Variants in TBL2 observed in about 807,000 individuals in gnomAD.
TBL2 encodes the protein transducin beta like 2.
In TBL2, 33 loss-of-function variants were observed where a neutral mutation model predicts 41.8. The ratio of observed to expected loss-of-function variants is 0.79; its 90% confidence interval spans 0.60 to 1.06. TBL2 has a LOEUF of 1.06. Ranked by LOEUF, TBL2 falls within the 50% of genes least tolerant of loss-of-function variation. The probability of loss-of-function intolerance (pLI) is 0.00; values close to 1 mark genes in which losing one functional copy is unlikely to be tolerated. For synonymous variants in TBL2, 239 were observed against 241.7 expected, an observed-to-expected ratio of 0.99 and a Z score of 0.10; for missense variants, 522 against 603.8, an observed-to-expected ratio of 0.86 and a Z score of 1.42.
At chr7:73,575,601 TTTG>T (rs1413392978) in intron 1 of TBL2, among the ~76,000 whole-genome samples, 1 of 152,108 alleles carries the variant, frequency 6.6e-6, no homozygotes, top group Non-Finnish European at 1.5e-5. Context: ...CCCCAATTTT[TTTG>T]TTTTTTTAGT....
chr7:73,572,695 G>T, intron 5 of TBL2, 149 bp downstream of exon 5: 1 of 1,034,474 alleles, frequency 9.7e-7, no homozygotes, highest in Non-Finnish European at 1.4e-6. Context: ...TCCCACTACT[G>T]CAAGTGGGGA....
chr7:73,574,738 G>A, intron 1 of TBL2: 1 of 617,060 alleles, frequency 1.6e-6, no homozygotes, highest in Non-Finnish European at 2.9e-6. Context: ...GAGCCCAGGA[G>A]TTCGAGGCTG....
intron 1 of TBL2, among the ~76,000 whole-genome samples, chr7:73,577,655 T>A (rs978338174): frequency 6.6e-6 from 1 of 152,222 alleles, no homozygotes; most frequent in African/African-American, 2.4e-5. Flanking sequence ...CTATGAAACT[T>A]TTCAGAGACA....
chr7:73,573,150 G>GT, intron 4 of TBL2, 170 bp downstream of exon 4: 2 of 1,349,204 alleles, frequency 1.5e-6, no homozygotes, highest in Non-Finnish European at 2.0e-6. Flanking sequence ...TAGGGACCTG[G>GT]TGTGGCCCAG....
chr7:73,574,048 G>A lies in TBL2; in HGVS notation c.336C>T (p.Arg112=). The A allele has an allele frequency of 1.2e-6, 2 of 1,614,198 alleles. No individual in the cohort carries two copies. The highest frequency in any genetic ancestry group is 1.7e-6 in the Non-Finnish European group (2 of 1,180,022). ...GKYLATCADD[R]TIRIWSTKDF... ...CCTTGGTGCTCCAGATGCGGATGGT[G>A]CGATCATCTGCACAGGTAGCCAGGT... Residue 112 remains arginine, a synonymous_variant, in exon 3 of 7, where the codon CGC becomes CGT. Transcript: ENST00000305632.
intron 5 of TBL2, 35 bp downstream of exon 5, chr7:73,572,809 C>T (rs782584679): frequency 7.4e-6 from 12 of 1,613,424 alleles, no homozygotes; most frequent in Admixed American, 5.0e-5. Flanking sequence ...CCCAGCCTCT[C>T]GTGGTCCCAG....
rs1792831093 is a variant in TBL2, at chr7:73,570,114, T to C, written c.*393A>G. 1 of 167,906 alleles carries C rather than the reference T, an allele frequency of 6.0e-6. No homozygotes were observed. Among genetic ancestry groups the C allele is most frequent in the Non-Finnish European group, 1.3e-5 (1 of 78,500 alleles). The allele number at this position is 167,906 out of a possible 1,614,324, so 10.4% of individuals were successfully genotyped here. A position where few individuals can be genotyped will look rare whatever the true frequency, so the allele number is the denominator to read the frequency against. On this transcript the variant is annotated 3_prime_UTR_variant, in exon 7 of 7. Transcript: ENST00000305632. ...CAGTCTCCCATCCTTGCAAAACTGC[T>C]GCTTAGTACTCAGGTGTTCTCTAGG...
At chr7:73,577,263 G>GCCC (rs1396533033) in intron 1 of TBL2, among the ~76,000 whole-genome samples, 2,306 of 77,404 alleles carry the variant, frequency 0.03, 20 homozygotes, top group Non-Finnish European at 0.047. Flanking sequence ...CCGTCCCCCT[G>GCCC]CAAAAAAAAA....
In TBL2 at chr7:73,572,897, G is replaced by A. The variant is rs1219116693; in HGVS notation, c.672C>T (p.Thr224=). Residue 224 remains threonine (T), a synonymous_variant, in exon 5 of 7, where the codon ACC becomes ACT. Transcript: ENST00000305632. ...TGTTGTTCATCTGGTTGGTGTTGAT[G>A]GTAGACAGCACTTGACCCTTCAGGC... is the stretch of plus-strand genomic sequence containing the variant. ...IWSLKGQVLS[T]INTNQMNNTH... 1.9e-6 allele frequency: 3 copies of A among 1,614,042 alleles called. No homozygotes were observed. Among genetic ancestry groups the A allele is most frequent in the African/African-American group, 1.3e-5 (1 of 74,912 alleles).
intron 1 of TBL2, chr7:73,574,783 TC>T: frequency 1.8e-6 from 1 of 548,536 alleles, no homozygotes; most frequent in African/African-American, 1.9e-5. Context: ...CTGCATTCCA[TC>T]CTGAGTGACA....
At chr7:73,576,275 T>A (rs1203227253) in intron 1 of TBL2, among the ~76,000 whole-genome samples, 2 of 149,844 alleles carry the variant, frequency 1.3e-5, no homozygotes, top group Non-Finnish European at 3.0e-5. Flanking sequence ...CCTTGTGACC[T>A]GCCCGCTTCG....
chr7:73,576,790 C>G (rs573326634), intron 1 of TBL2: 2 of 441,464 alleles, frequency 4.5e-6, no homozygotes, highest in Admixed American at 5.0e-5. Context: ...TAAGTCATAC[C>G]AAATGCTGTT....
chr7:73,577,191 C>T (rs1490589010), intron 1 of TBL2, among the ~76,000 whole-genome samples: 7 of 139,628 alleles, frequency 5.0e-5, no homozygotes, highest in Admixed American at 7.8e-5. Context: ...AACCCAGAGG[C>T]GGAGCTTGCA....
In TBL2 at chr7:73,570,140, T is replaced by A. The variant is rs1407769817; in HGVS notation, c.*367A>T. ...GCTTAGTACTCAGGTGTTCTCTAGG[T>A]TGTTCTGGAACATTTACAAACTTCT... On this transcript the variant is annotated 3_prime_UTR_variant, in exon 7 of 7. Transcript: ENST00000305632. 5.1e-6 allele frequency: 1 copy of A among 194,870 alleles called. No homozygotes were observed. Among genetic ancestry groups the A allele is most frequent in the Non-Finnish European group, 1.1e-5 (1 of 95,020 alleles). The allele number at this position is 194,870 out of a possible 1,614,324, so 12.1% of individuals were successfully genotyped here.
At chr7:73,577,947 C>T in intron 1 of TBL2, 1 of 295,534 alleles carries the variant, frequency 3.4e-6, no homozygotes, top group Non-Finnish European at 6.2e-6. Flanking sequence ...CTCAGTGAAA[C>T]TTATTTCACC....
intron 1 of TBL2, among the ~76,000 whole-genome samples, chr7:73,575,187 G>A (rs566321552): frequency 2.6e-5 from 4 of 151,840 alleles, no homozygotes; most frequent in East Asian, 1.9e-4. Context: ...GTGCAGTGGC[G>A]TGATCTCCGC....
At position 73,574,253 on chromosome 7, in the gene TBL2, G is replaced by A. The variant is rs531111634; in HGVS notation, c.261+130C>T. 2.0e-5 allele frequency: 31 copies of A among 1,519,882 alleles called. No homozygotes were observed. In the East Asian group the frequency reaches 6.8e-4, roughly 33 times the overall value. 94.1% of individuals were successfully genotyped at this position (1,519,882 alleles called of 1,614,324 possible). A position where few individuals can be genotyped will look rare whatever the true frequency, so the allele number is the denominator to read the frequency against. On this transcript the variant is annotated intron_variant, in intron 2 of 6. Transcript: ENST00000305632. Reference sequence around the variant, plus strand: ...GCTGAGATTGGGCTGCGATGAGAGGGGACAGAATTAAGCACCCCCGCTGAT... The same window carrying A: ...GCTGAGATTGGGCTGCGATGAGAGGAGACAGAATTAAGCACCCCCGCTGAT...
chr7:73,575,819 G>A (rs890208463), intron 1 of TBL2, among the ~76,000 whole-genome samples: 12 of 151,990 alleles, frequency 7.9e-5, no homozygotes, highest in Non-Finnish European at 1.3e-4. Flanking sequence ...TGAGATGGGA[G>A]GATTGCTTGA....
chr7:73,578,180 C>T, intron 1 of TBL2: 1 of 1,452,676 alleles, frequency 6.9e-7, no homozygotes, highest in South Asian at 1.3e-5. Context: ...CTGGCCTCGG[C>T]CACAGAGAAA....
Sources: gnomAD v4.1 joint callset for allele counts (sites outside exome capture counted in the v4.1 genomes callset) on GRCh38, gnomAD v4.1.1 for gene constraint, MANE v1.5 for transcripts, NCBI Gene and HGNC (gene_info 2026-07-23, HGNC 2026-07-21) for gene names.